SEMA6D: variants seen among roughly 807,000 people sequenced by gnomAD.
SEMA6D encodes the protein semaphorin 6D.
A neutral mutation model predicts 106.6 loss-of-function variants in SEMA6D; 35 were observed. The ratio of observed to expected loss-of-function variants is 0.33; its 90% CI spans 0.25 to 0.44. The LOEUF (loss-of-function observed/expected upper bound fraction) is 0.44, where lower values mean the gene tolerates loss of function less well. Among genes scored for constraint, SEMA6D ranks in the 20% least tolerant of loss-of-function variants. The pLI, the probability that SEMA6D is intolerant of heterozygous loss-of-function variation, is 1.00. For synonymous variants in SEMA6D, 499 were observed against 487.7 expected, an observed-to-expected ratio of 1.02 and a Z score of -0.31; for missense variants, 1,185 against 1,345.9, an observed-to-expected ratio of 0.88 and a Z score of 1.87.
chr15:47,236,002 GT>G (rs1429512042), intron 1 of SEMA6D, among the ~76,000 whole-genome samples: 1 of 152,090 alleles, frequency 6.6e-6, no homozygotes, highest in Non-Finnish European at 1.5e-5. Context: ...GTTGAGCTGG[GT>G]AGCAAGGGAT....
intron 1 of SEMA6D, chr15:47,185,554 G>C (rs566747108): frequency 1.3e-5 from 2 of 151,634 alleles, no homozygotes; most frequent in Non-Finnish European, 2.9e-5. Context: ...TCAGCTAGTC[G>C]AGTTGCATGG....
intron 1 of SEMA6D, among the ~76,000 whole-genome samples, chr15:47,758,439 G>A (rs1158530961): frequency 1.3e-5 from 2 of 151,056 alleles, no homozygotes; most frequent in Admixed American, 1.3e-4. Context: ...TGACAGTTTT[G>A]GTTGAGGGGG....
intron 3 of SEMA6D, among the ~76,000 whole-genome samples, chr15:47,550,383 C>T (rs1295785769): frequency 6.6e-6 from 1 of 152,020 alleles, no homozygotes; most frequent in Non-Finnish European, 1.5e-5. Flanking sequence ...TTTATCTTGC[C>T]CTCATTTACT....
intron 4 of SEMA6D, among the ~76,000 whole-genome samples, chr15:47,643,824 C>T (rs1266921947): frequency 6.6e-6 from 1 of 152,146 alleles, no homozygotes; most frequent in African/African-American, 2.4e-5. Context: ...TAGTTATAGT[C>T]ACTATACAGT....
At chr15:47,248,939 T>G (rs1353200386) in intron 1 of SEMA6D, among the ~76,000 whole-genome samples, 2 of 152,108 alleles carry the variant, frequency 1.3e-5, no homozygotes, top group Non-Finnish European at 2.9e-5. Flanking sequence ...CAGTTAACAG[T>G]GGACTAGGCC....
At chr15:47,239,463 C>T (rs1026048575) in intron 1 of SEMA6D, among the ~76,000 whole-genome samples, 1 of 152,160 alleles carries the variant, frequency 6.6e-6, no homozygotes, top group Non-Finnish European at 1.5e-5. Context: ...AAACCAGTCC[C>T]TGGTGCCAAA....
At chr15:47,276,665 TAGTCACCCA>T (rs1191577517) in intron 1 of SEMA6D, among the ~76,000 whole-genome samples, 2 of 152,172 alleles carry the variant, frequency 1.3e-5, no homozygotes, top group African/African-American at 4.8e-5. Context: ...ACAATGCTCC[TAGTCACCCA>T]AGAGCTCAGA....
intron 2 of SEMA6D, among the ~76,000 whole-genome samples, chr15:47,448,145 G>A (rs1251305069): frequency 6.6e-6 from 1 of 152,070 alleles, no homozygotes; most frequent in Admixed American, 6.6e-5. Flanking sequence ...GCTGTTCATT[G>A]TGTTGTTTCT....
intron 1 of SEMA6D, among the ~76,000 whole-genome samples, chr15:47,229,895 C>T (rs985495730): frequency 1.3e-5 from 2 of 151,842 alleles, no homozygotes; most frequent in Non-Finnish European, 2.9e-5. Context: ...GTTAGCGTTG[C>T]CAGATAAAAT....
chr15:47,742,040 G>A (rs1199939135), intron 1 of SEMA6D, among the ~76,000 whole-genome samples: 2 of 152,168 alleles, frequency 1.3e-5, no homozygotes, highest in Non-Finnish European at 2.9e-5. Context: ...TGCAGAAGGT[G>A]TTCCAGGTTC....
At chr15:47,242,754 C>G (rs2032987669) in intron 1 of SEMA6D, among the ~76,000 whole-genome samples, 1 of 152,044 alleles carries the variant, frequency 6.6e-6, no homozygotes, top group Non-Finnish European at 1.5e-5. Flanking sequence ...ATAAAAGCAA[C>G]CCCTGATCAT....
intron 3 of SEMA6D, among the ~76,000 whole-genome samples, chr15:47,564,749 T>A (rs548682972): frequency 3.9e-5 from 6 of 152,132 alleles, no homozygotes; most frequent in Non-Finnish European, 7.4e-5. Flanking sequence ...ATCCCTGTTT[T>A]CTCACTAGAA....
chr15:47,466,809 C>T (rs2042676740), intron 2 of SEMA6D, among the ~76,000 whole-genome samples: 1 of 151,308 alleles, frequency 6.6e-6, no homozygotes, highest in Non-Finnish European at 1.5e-5. Flanking sequence ...TCACTGCAAC[C>T]TCCACCTCCC....
intron 1 of SEMA6D, among the ~76,000 whole-genome samples, chr15:47,721,977 A>G (rs181643650): frequency 7.2e-5 from 11 of 152,130 alleles, no homozygotes; most frequent in East Asian, 1.9e-4. Flanking sequence ...GGCTACAGCA[A>G]TTTTTTCTTC....
At chr15:47,519,314 C>T (rs368753226) in intron 3 of SEMA6D, among the ~76,000 whole-genome samples, 1 of 152,132 alleles carries the variant, frequency 6.6e-6, no homozygotes, top group South Asian at 2.1e-4. Flanking sequence ...CGTTGCAATA[C>T]GACATTTTGA....
At chr15:47,190,224 C>G (rs572833439) in intron 1 of SEMA6D, among the ~76,000 whole-genome samples, 24 of 152,202 alleles carry the variant, frequency 1.6e-4, no homozygotes, top group Non-Finnish European at 2.9e-4. Flanking sequence ...ATATCCCTCA[C>G]TAGCTTGTTC....
intron 2 of SEMA6D, among the ~76,000 whole-genome samples, chr15:47,421,710 C>G (rs1054668821): frequency 6.6e-6 from 1 of 151,684 alleles, no homozygotes; most frequent in Non-Finnish European, 1.5e-5. Context: ...AAGGGGGGAT[C>G]AGAAGTAAAG....
At chr15:47,246,712 T>C (rs1309665074) in intron 1 of SEMA6D, among the ~76,000 whole-genome samples, 1 of 152,202 alleles carries the variant, frequency 6.6e-6, no homozygotes, top group Non-Finnish European at 1.5e-5. Flanking sequence ...GTACCTTGGG[T>C]CCACCCAGAT....
intron 1 of SEMA6D, chr15:47,399,641 G>A (rs923935015): frequency 6.6e-6 from 1 of 152,228 alleles, no homozygotes; most frequent in Non-Finnish European, 1.5e-5. Flanking sequence ...CCCTCAGCAA[G>A]GCTGACCCTA....
Sources: allele counts gnomAD v4.1 joint callset (sites outside exome capture counted in the v4.1 genomes callset), GRCh38; gene constraint gnomAD v4.1.1; transcripts MANE v1.5; gene names NCBI Gene and HGNC (gene_info 2026-07-23, HGNC 2026-07-21).